Variants in EBF2 observed in about 807,000 individuals in gnomAD.
EBF2 encodes the protein EBF transcription factor 2.
EBF2 carries 21 observed loss-of-function variants against 72.8 expected under a neutral mutation model. The observed-to-expected ratio is 0.29, with a 90% CI of 0.20 to 0.42. The LOEUF is 0.42. Among genes scored for constraint, EBF2 ranks in the 10% least tolerant of loss-of-function variants. The pLI, the probability that EBF2 is intolerant of heterozygous loss-of-function variation, is 1.00. For synonymous variants in EBF2, 299 were observed against 274.2 expected (o/e 1.09, Z -0.89); for missense variants, 637 against 731.2 (o/e 0.87, Z 1.49).
At chr8:25,978,612 G>A (rs1804305529) in intron 6 of EBF2, among the ~76,000 whole-genome samples, 1 of 152,166 alleles carries the variant, frequency 6.6e-6, no homozygotes, top group Admixed American at 6.5e-5. Context: ...AAAGCGGAAA[G>A]GTGCGCTTCG....
chr8:25,846,345 A>G (rs942098464), intron 15 of EBF2, among the ~76,000 whole-genome samples: 14 of 152,152 alleles, frequency 9.2e-5, no homozygotes, highest in African/African-American at 3.1e-4. Flanking sequence ...AATGAGGTAG[A>G]AGGTGGAACC....
chr8:25,926,121 T>G (rs1324810542), intron 6 of EBF2, among the ~76,000 whole-genome samples: 1 of 152,126 alleles, frequency 6.6e-6, no homozygotes, highest in East Asian at 1.9e-4. Context: ...CTATGAGTCC[T>G]TCTACCGGGA....
chr8:26,015,616 T>C (rs1805098804), intron 6 of EBF2, among the ~76,000 whole-genome samples: 2 of 152,212 alleles, frequency 1.3e-5, no homozygotes, highest in Admixed American at 1.3e-4. Context: ...CCAGTCACTC[T>C]TGTTGCAAAT....
rs74646906 is a variant in EBF2, at chr8:26,008,592, C to T, written c.551+24493G>A. On this transcript the variant is annotated intron_variant, in intron 6 of 15. Coordinates refer to ENST00000520164, the MANE Select transcript of EBF2 (RefSeq NM_022659.4). ...ACTGTAATTAATAGGGAAAAATTCT[C>T]GATTGCAAAGTGCTAAGTGCAGTTA... Among the ~76,000 whole-genome samples the T allele has an allele frequency of 5.0e-3, 762 of 152,210 alleles. 8 individuals are homozygous for T. Among genetic ancestry groups the T allele is most frequent in the African/African-American group, 0.018 (729 of 41,522 alleles).
At position 25,999,561 on chromosome 8, in the gene EBF2, G is replaced by GT. The variant is rs1317602666; in HGVS notation, c.551+33523dup. Among the ~76,000 whole-genome samples, 5 of 150,722 alleles carry GT rather than the reference G, an allele frequency of 3.3e-5. No homozygotes were observed. In the East Asian group the frequency reaches 9.8e-4, roughly 29 times the overall value. On this transcript the variant is annotated intron_variant, in intron 6 of 15. Coordinates refer to ENST00000520164, the MANE Select transcript of EBF2 (RefSeq NM_022659.4). Reference sequence around the variant, plus strand: ...GCAATCTTGGTCTCTCTACATCTGGGTTTTTAATTTCCTTCTGCATTTCCC... The same window carrying GT: ...GCAATCTTGGTCTCTCTACATCTGGGTTTTTTAATTTCCTTCTGCATTTCCC...
chr8:26,013,072 A>T (rs1057294314), intron 6 of EBF2, among the ~76,000 whole-genome samples: 3 of 152,158 alleles, frequency 2.0e-5, no homozygotes, highest in African/African-American at 7.2e-5. Flanking sequence ...TAGGAAGAAA[A>T]TTAAGTCTGG....
intron 6 of EBF2, among the ~76,000 whole-genome samples, chr8:25,939,406 G>A (rs938218186): frequency 6.6e-6 from 1 of 152,160 alleles, no homozygotes; most frequent in Non-Finnish European, 1.5e-5. Flanking sequence ...GTGTATGTGT[G>A]TGTGTTTTGC....
intron 7 of EBF2, among the ~76,000 whole-genome samples, chr8:25,899,417 A>G (rs531189300): frequency 6.6e-6 from 1 of 152,306 alleles, no homozygotes; most frequent in African/African-American, 2.4e-5. Context: ...CAAATGGTAG[A>G]TGAGATCACA....
Position 26,038,177 on chromosome 8 carries a change from G to A in EBF2, c.482+1851C>T, listed in dbSNP as rs528790504. Among the ~76,000 whole-genome samples, 8 of 152,264 alleles carry A rather than the reference G, an allele frequency of 5.3e-5. No individual in the cohort carries two copies. The South Asian group carries it at 8.3e-4, about 16-fold the overall frequency. On this transcript the variant is annotated intron_variant, in intron 5 of 15. Transcript: ENST00000520164. The stretch of plus-strand genomic sequence containing the variant: ...CATTACCCATCTCATCTGCACACAT[G>A]TACACACACACATGTATGCTGCAGA...
chr8:25,993,551 A>G (rs1804577490), intron 6 of EBF2, among the ~76,000 whole-genome samples: 2 of 152,152 alleles, frequency 1.3e-5, no homozygotes, highest in African/African-American at 4.8e-5. Flanking sequence ...TCTTTGTAAG[A>G]GCCACCTTGA....
intron 6 of EBF2, among the ~76,000 whole-genome samples, chr8:25,969,908 G>T (rs970978324): frequency 1.2e-4 from 18 of 152,214 alleles, no homozygotes; most frequent in Non-Finnish European, 2.2e-4. Flanking sequence ...AAAAGTCAAA[G>T]GGGCGATGTG....
At chr8:26,023,511 T>G (rs1433583856) in intron 6 of EBF2, among the ~76,000 whole-genome samples, 1 of 152,214 alleles carries the variant, frequency 6.6e-6, no homozygotes, top group Non-Finnish European at 1.5e-5. Flanking sequence ...CCAGAGGTCT[T>G]GGGCAAGCAC....
At chr8:26,020,540 G>C (rs942508916) in intron 6 of EBF2, among the ~76,000 whole-genome samples, 2 of 152,186 alleles carry the variant, frequency 1.3e-5, no homozygotes, top group Admixed American at 6.5e-5. Context: ...AGGAATCAAG[G>C]TTAGACACCC....
intron 10 of EBF2, among the ~76,000 whole-genome samples, chr8:25,870,445 C>A (rs1033251169): frequency 4.6e-5 from 7 of 152,074 alleles, no homozygotes; most frequent in South Asian, 2.1e-4. Flanking sequence ...GGCTGTCCCC[C>A]ACCCTGGCAA....
At chr8:25,932,106 A>T (rs1463066682) in intron 6 of EBF2, among the ~76,000 whole-genome samples, 1 of 152,142 alleles carries the variant, frequency 6.6e-6, no homozygotes, top group Non-Finnish European at 1.5e-5. Flanking sequence ...TGTATGATGT[A>T]GTGGAACAAA....
At chr8:25,966,183 A>G (rs1439520021) in intron 6 of EBF2, among the ~76,000 whole-genome samples, 5 of 152,252 alleles carry the variant, frequency 3.3e-5, no homozygotes, top group African/African-American at 9.6e-5. Flanking sequence ...AAGCATCTAA[A>G]GGCTTAGAGA....
rs1036266431 is a variant in EBF2, at chr8:25,842,593, G to A, written c.*2016C>T. On this transcript the variant is annotated 3_prime_UTR_variant, in exon 16 of 16. Coordinates refer to ENST00000520164, the MANE Select transcript of EBF2 (RefSeq NM_022659.4). ...CCATCAATCAGGTTTCTCACTGGGG[G>A]ACTTTTTCTCTTATGTTTCCGTGTA... 3.3e-5 allele frequency: 5 copies of A among 152,136 alleles called. No homozygotes were observed. Among genetic ancestry groups the A allele is most frequent in the African/African-American group, 1.2e-4 (5 of 41,430 alleles). 9.4% of individuals were successfully genotyped at this position (152,136 alleles called of 1,614,324 possible). A position where few individuals can be genotyped will look rare whatever the true frequency, so the allele number is the denominator to read the frequency against.
intron 6 of EBF2, among the ~76,000 whole-genome samples, chr8:25,986,772 G>A (rs775425430): frequency 6.6e-6 from 1 of 152,216 alleles, no homozygotes; most frequent in African/African-American, 2.4e-5. Flanking sequence ...CATAGGTGGA[G>A]ACGGTTCCTA....
At chr8:26,012,226 C>T (rs997282559) in intron 6 of EBF2, among the ~76,000 whole-genome samples, 1 of 152,044 alleles carries the variant, frequency 6.6e-6, no homozygotes, top group Non-Finnish European at 1.5e-5. Flanking sequence ...ACAGGTAGAA[C>T]ATACGAGAGA....
Sources: gnomAD v4.1 joint callset for allele counts (sites outside exome capture counted in the v4.1 genomes callset) on GRCh38, gnomAD v4.1.1 for gene constraint, MANE v1.5 for transcripts, NCBI Gene and HGNC (gene_info 2026-07-23, HGNC 2026-07-21) for gene names.